The following SIRT5 variants were observed in gnomAD, a reference collection of about 807,000 sequenced individuals.
SIRT5 encodes the protein sirtuin 5.
SIRT5 carries 26 observed loss-of-function variants against 40.0 expected under a neutral mutation model. That is an observed-to-expected ratio of 0.65 (90% CI 0.48 to 0.90). SIRT5 has a LOEUF of 0.90. Among genes scored for constraint, SIRT5 ranks in the 40% least tolerant of loss-of-function variants. The probability of loss-of-function intolerance (pLI) is 0.00; values close to 1 mark genes in which losing one functional copy is unlikely to be tolerated. For missense variants in SIRT5, 401 were observed against 402.4 expected, an observed-to-expected ratio of 1.00 and a Z score of 0.03; for synonymous variants, 146 against 149.1, an observed-to-expected ratio of 0.98 and a Z score of 0.15.
rs200806538 is a variant in SIRT5 at position 13,611,987 on chromosome 6, G to A, written c.*122G>A. 7.0e-5 allele frequency: 61 copies of A among 869,252 alleles called. No individual in the cohort carries two copies. The highest frequency in any genetic ancestry group is 2.7e-4 in the Middle Eastern group (1 of 3,670). The allele number at this position is 869,252 out of a possible 1,614,324, so 53.8% of individuals were successfully genotyped here. Reference sequence around the variant, plus strand: ...TCTAAAAATAGCCTCTGATTCCCTCGCTGGAATCCAACCTGTTGATAAGTG... The same window carrying A: ...TCTAAAAATAGCCTCTGATTCCCTCACTGGAATCCAACCTGTTGATAAGTG... On this transcript the variant is annotated 3_prime_UTR_variant, in exon 10 of 10. Transcript: ENST00000606117.
intron 1 of SIRT5, among the ~76,000 whole-genome samples, chr6:13,575,210 A>G (rs965714479): frequency 3.3e-5 from 5 of 152,100 alleles, no homozygotes; most frequent in African/African-American, 9.7e-5. Flanking sequence ...GGCCGCATGC[A>G]GTCTGGCGCG....
chr6:13,580,446 C>T (rs1393977084), intron 2 of SIRT5, among the ~76,000 whole-genome samples: 1 of 152,156 alleles, frequency 6.6e-6, no homozygotes, highest in South Asian at 2.1e-4. Context: ...TCTGCTCCCC[C>T]TTACTCCCCC....
intron 9 of SIRT5, among the ~76,000 whole-genome samples, chr6:13,604,260 C>T (rs1562279643): frequency 6.6e-6 from 1 of 152,212 alleles, no homozygotes; most frequent in African/African-American, 2.4e-5. Context: ...GAAAAATGCA[C>T]ATTGAGCCTC....
intron 2 of SIRT5, 65 bp from the exon 3 acceptor site, chr6:13,584,011 A>G (rs958822842): frequency 1.5e-6 from 1 of 672,994 alleles, no homozygotes; most frequent in African/African-American, 1.8e-5. Context: ...ATTTATACAT[A>G]TTTCCATATA....
chr6:13,586,354 T>G (rs1760081625), intron 3 of SIRT5, among the ~76,000 whole-genome samples: 1 of 152,232 alleles, frequency 6.6e-6, no homozygotes, highest in Admixed American at 6.5e-5. Flanking sequence ...CTAGGTTTTC[T>G]TCTAGGGTTT....
At chr6:13,587,529 A>G (rs1760239362) in intron 3 of SIRT5, among the ~76,000 whole-genome samples, 1 of 152,174 alleles carries the variant, frequency 6.6e-6, no homozygotes, top group South Asian at 2.1e-4. Context: ...TGATCCACGT[A>G]AAGTGCTTGG....
At chr6:13,600,266 G>T (rs1024667182) in intron 8 of SIRT5, among the ~76,000 whole-genome samples, 2 of 152,218 alleles carry the variant, frequency 1.3e-5, no homozygotes, top group African/African-American at 4.8e-5. Flanking sequence ...ATGCTTCCCA[G>T]TGTTGAGTAT....
intron 9 of SIRT5, among the ~76,000 whole-genome samples, chr6:13,608,231 TG>T (rs1481688767): frequency 1.3e-5 from 2 of 152,262 alleles, no homozygotes; most frequent in Non-Finnish European, 2.9e-5. Flanking sequence ...TCTTTGAACT[TG>T]TATTTCCATT....
intron 2 of SIRT5, among the ~76,000 whole-genome samples, chr6:13,580,384 A>G (rs1759185652): frequency 6.6e-6 from 1 of 152,158 alleles, no homozygotes; most frequent in South Asian, 2.1e-4. Flanking sequence ...TGAGTGTTGA[A>G]AAAAATCACA....
chr6:13,608,013 A>G (rs1490546748), intron 9 of SIRT5, among the ~76,000 whole-genome samples: 3 of 152,152 alleles, frequency 2.0e-5, no homozygotes, highest in Non-Finnish European at 4.4e-5. Flanking sequence ...GCCTAGCTCA[A>G]GCTCCTAAAA....
chr6:13,600,092 G>A (rs1376369100), intron 8 of SIRT5, among the ~76,000 whole-genome samples: 1 of 152,184 alleles, frequency 6.6e-6, no homozygotes, highest in East Asian at 1.9e-4. Context: ...AATATCCTTA[G>A]ATAGAAATCT....
chr6:13,580,624 CCTCT>C (rs1295075179), intron 2 of SIRT5, among the ~76,000 whole-genome samples: 4 of 152,044 alleles, frequency 2.6e-5, no homozygotes, highest in African/African-American at 9.7e-5. Flanking sequence ...TCTGTTTCTT[CCTCT>C]CTTTTTCTCT....
At chr6:13,587,234 G>A (rs1045633027) in intron 3 of SIRT5, among the ~76,000 whole-genome samples, 9 of 152,188 alleles carry the variant, frequency 5.9e-5, no homozygotes, top group African/African-American at 2.2e-4. Flanking sequence ...CCAGGGGGAG[G>A]GCAGAAAAGG....
At chr6:13,584,253 T>C in intron 3 of SIRT5, 28 bp downstream of exon 3, 1 of 1,495,048 alleles carries the variant, frequency 6.7e-7, no homozygotes, top group Non-Finnish European at 9.3e-7. Flanking sequence ...TTGCCTCACC[T>C]GCAGCCAAAT....
At chr6:13,580,982 C>A (rs751202485) in intron 2 of SIRT5, among the ~76,000 whole-genome samples, 7 of 152,048 alleles carry the variant, frequency 4.6e-5, no homozygotes, top group Non-Finnish European at 4.4e-5. Flanking sequence ...TGTTGTGAAG[C>A]AATTTTATTT....
At chr6:13,581,324 A>G (rs1294403966) in intron 2 of SIRT5, among the ~76,000 whole-genome samples, 4 of 152,278 alleles carry the variant, frequency 2.6e-5, no homozygotes. Context: ...ACTTTTCTGA[A>G]GAGTATTGGC....
intron 7 of SIRT5, 80 bp from the exon 8 acceptor site, chr6:13,598,952 T>C (rs1218207712): frequency 1.3e-6 from 2 of 1,558,992 alleles, no homozygotes; most frequent in East Asian, 2.3e-5. Context: ...ATGTACTAGG[T>C]TTGGGGCAGC....
chr6:13,612,039 AC>A lies in SIRT5; in HGVS notation c.*177del. 1 of 491,838 alleles carries A rather than the reference AC, an allele frequency of 2.0e-6. No individual in the cohort carries two copies. Among genetic ancestry groups the A allele is most frequent in the Admixed American group, 3.5e-5 (1 of 28,916 alleles). 30.5% of individuals were successfully genotyped at this position (491,838 alleles called of 1,614,324 possible). A position where few individuals can be genotyped will look rare whatever the true frequency, so the allele number is the denominator to read the frequency against. ...TGGGGGTTTAGAAGTAGCAAAGAGC[AC>A]CCACATTCAAAAGTCACAGAACTGG... On this transcript the variant is annotated 3_prime_UTR_variant, in exon 10 of 10. Transcript: ENST00000606117.
At chr6:13,596,717 C>T (rs1022421109) in intron 6 of SIRT5, among the ~76,000 whole-genome samples, 2 of 152,162 alleles carry the variant, frequency 1.3e-5, no homozygotes, top group East Asian at 3.9e-4. Context: ...GAACTTCTGG[C>T]CTCAAGCAGT....
Sources: gnomAD v4.1 joint callset for allele counts (sites outside exome capture counted in the v4.1 genomes callset) on GRCh38, gnomAD v4.1.1 for gene constraint, MANE v1.5 for transcripts, NCBI Gene and HGNC (gene_info 2026-07-23, HGNC 2026-07-21) for gene names.